Variants in TMPRSS15 observed in about 807,000 individuals in gnomAD.
TMPRSS15 encodes the protein transmembrane serine protease 15, also known as enteropeptidase.
A neutral mutation model predicts 125.3 loss-of-function variants in TMPRSS15; 128 were observed. That is an observed-to-expected ratio of 1.02 (90% CI 0.89 to 1.18). TMPRSS15 has a LOEUF of 1.18. Among genes scored for constraint, TMPRSS15 ranks in the 50% most tolerant of loss-of-function variants. TMPRSS15 has a pLI of 0.00. For synonymous variants in TMPRSS15, 446 were observed against 423.2 expected, an observed-to-expected ratio of 1.05 and a Z score of -0.66; for missense variants, 1,283 against 1,212.7, an observed-to-expected ratio of 1.06 and a Z score of -0.86.
chr21:18,367,227 C>T (rs987970335), intron 6 of TMPRSS15, among the ~76,000 whole-genome samples: 2 of 151,866 alleles, frequency 1.3e-5, no homozygotes, highest in African/African-American at 2.4e-5. Context: ...CTGAACAATC[C>T]GGCACAGATC....
At position 18,344,139 on chromosome 21, in the gene TMPRSS15, A is replaced by G. The variant is rs1362262318; in HGVS notation, c.1172-79T>C. ...GTGACAAGTAGACTTTGTAAGCAGG[A>G]AAGAAAAACTTTAAGAAGAAAGGTT... On this transcript the variant is annotated intron_variant, in intron 10 of 24. Transcript: ENST00000284885. 8.3e-6 allele frequency: 10 copies of G among 1,201,002 alleles called. No individual in the cohort carries two copies. The Admixed American group carries it at 1.1e-4, about 13-fold the overall frequency. 74.4% of individuals were successfully genotyped at this position (1,201,002 alleles called of 1,614,324 possible). A position where few individuals can be genotyped will look rare whatever the true frequency, so the allele number is the denominator to read the frequency against.
chr21:18,414,107 TTAAGA>T (rs1332032639), intron 1 of TMPRSS15, among the ~76,000 whole-genome samples: 2 of 152,320 alleles, frequency 1.3e-5, no homozygotes, highest in Middle Eastern at 3.4e-3. Flanking sequence ...CATTAGAATG[TTAAGA>T]TATTATTTCT....
chr21:18,397,761 A>G, intron 3 of TMPRSS15, 118 bp downstream of exon 3: 1 of 584,444 alleles, frequency 1.7e-6, no homozygotes, highest in Non-Finnish European at 3.0e-6. Flanking sequence ...TTAATCCTCA[A>G]AAAATGTTGA....
At chr21:18,406,969 A>G (rs972768347), upstream of TMPRSS15, among the ~76,000 whole-genome samples, 1 of 152,226 alleles carries the variant, frequency 6.6e-6, no homozygotes, top group Non-Finnish European at 1.5e-5. Flanking sequence ...TACATGAACT[A>G]AAGTTGTATG....
chr21:18,481,310 A>G (rs992774366), intron 1 of TMPRSS15, among the ~76,000 whole-genome samples: 2 of 151,808 alleles, frequency 1.3e-5, no homozygotes, highest in South Asian at 2.1e-4. Context: ...GAGTGTTGTC[A>G]GGATAAAATA....
At chr21:18,411,930 C>T (rs1272684118) in intron 1 of TMPRSS15, among the ~76,000 whole-genome samples, 4 of 152,124 alleles carry the variant, frequency 2.6e-5, no homozygotes, top group Non-Finnish European at 4.4e-5. Context: ...GGAAGAAACA[C>T]GAACCAGGCT....
chr21:18,275,174 A>G (rs1301975288), intron 24 of TMPRSS15, 23 bp downstream of exon 24: 2 of 1,612,976 alleles, frequency 1.2e-6, no homozygotes, highest in Non-Finnish European at 1.7e-6. Context: ...GAAAAGGTAC[A>G]GTGAGCAGTT....
At chr21:18,441,504 G>A (rs948401165) in intron 1 of TMPRSS15, among the ~76,000 whole-genome samples, 3 of 150,896 alleles carry the variant, frequency 2.0e-5, no homozygotes, top group African/African-American at 7.3e-5. Context: ...CTACTCGGGA[G>A]GCTGAGGCAG....
chr21:18,281,350 T>C (rs1159538219), intron 21 of TMPRSS15, 129 bp from the exon 22 acceptor site: 2 of 840,200 alleles, frequency 2.4e-6, no homozygotes, highest in Admixed American at 4.3e-5. Flanking sequence ...TGAAGAATCA[T>C]CCTTTAAAAA....
At chr21:18,314,000 T>C (rs1336061447) in intron 17 of TMPRSS15, among the ~76,000 whole-genome samples, 1 of 152,100 alleles carries the variant, frequency 6.6e-6, no homozygotes, top group Non-Finnish European at 1.5e-5. Flanking sequence ...TTAAGGCCAT[T>C]AGTGGCCAGG....
intron 4 of TMPRSS15, among the ~76,000 whole-genome samples, chr21:18,382,700 A>T (rs1323383003): frequency 6.6e-6 from 1 of 152,126 alleles, no homozygotes; most frequent in Non-Finnish European, 1.5e-5. Context: ...ACTTTCTAAC[A>T]TCCAAAAATT....
intron 16 of TMPRSS15, among the ~76,000 whole-genome samples, chr21:18,319,555 A>G (rs1338222226): frequency 6.6e-6 from 1 of 151,600 alleles, no homozygotes; most frequent in Non-Finnish European, 1.5e-5. Context: ...CAGCCTCCCA[A>G]GTAGCTGGGA....
At chr21:18,467,615 T>TA (rs1367160321) in intron 1 of TMPRSS15, among the ~76,000 whole-genome samples, 2 of 151,936 alleles carry the variant, frequency 1.3e-5, no homozygotes, top group African/African-American at 4.8e-5. Flanking sequence ...AAAAATGTTT[T>TA]AGGGAAGAGA....
At chr21:18,323,804 C>T (rs989914963) in intron 16 of TMPRSS15, among the ~76,000 whole-genome samples, 4 of 152,018 alleles carry the variant, frequency 2.6e-5, no homozygotes, top group African/African-American at 9.7e-5. Context: ...TTTACTTGCT[C>T]TATTTTATGA....
chr21:18,428,517 G>A (rs2076209015), intron 1 of TMPRSS15, among the ~76,000 whole-genome samples: 2 of 152,124 alleles, frequency 1.3e-5, no homozygotes, highest in Admixed American at 1.3e-4. Flanking sequence ...TTTGTGGGCC[G>A]GTCCCAGGGC....
At chr21:18,404,338 A>T (rs2076130225), upstream of TMPRSS15, among the ~76,000 whole-genome samples, 1 of 152,212 alleles carries the variant, frequency 6.6e-6, no homozygotes, top group Non-Finnish European at 1.5e-5. Flanking sequence ...GCAGTTATTA[A>T]TGAATGGTAG....
intron 1 of TMPRSS15, among the ~76,000 whole-genome samples, chr21:18,420,541 G>A (rs2076190113): frequency 6.6e-6 from 1 of 152,196 alleles, no homozygotes; most frequent in African/African-American, 2.4e-5. Context: ...AAAACAATTA[G>A]TAATTTGCCT....
chr21:18,457,726 A>C (rs1175788175), intron 1 of TMPRSS15, among the ~76,000 whole-genome samples: 2 of 152,172 alleles, frequency 1.3e-5, no homozygotes, highest in Non-Finnish European at 2.9e-5. Context: ...AGAAGGCAAC[A>C]ACCTAAGCCT....
intron 24 of TMPRSS15, among the ~76,000 whole-genome samples, chr21:18,274,937 AG>A (rs1402608628): frequency 6.6e-6 from 1 of 152,220 alleles, no homozygotes; most frequent in Non-Finnish European, 1.5e-5. Context: ...TGCTCATTTT[AG>A]CTGGCTGCCT....
Sources: gnomAD v4.1 joint callset for allele counts (sites outside exome capture counted in the v4.1 genomes callset) on GRCh38, gnomAD v4.1.1 for gene constraint, MANE v1.5 for transcripts, NCBI Gene and HGNC (gene_info 2026-07-23, HGNC 2026-07-21) for gene names.